Variants in MTCL2 observed in about 807,000 individuals in gnomAD.
MTCL2 encodes the protein microtubule cross-linking factor 2.
At chr20:36,795,651 C>G in the MTCL2 span, among the ~76,000 whole-genome samples, 1 of 152,266 alleles carries the variant, frequency 6.6e-6, no homozygotes, top group Non-Finnish European at 1.5e-5. Flanking sequence ...TGGCGTTAGC[C>G]TGTAACCCCA....
At chr20:36,815,688 C>A in the MTCL2 span, 1 of 1,604,932 alleles carries the variant, frequency 6.2e-7, no homozygotes, top group Non-Finnish European at 8.5e-7. The surrounding 1 kb of genome is among the most constrained non-coding windows in gnomAD (Gnocchi z 5.3). Context: ...CTTGACCTTG[C>A]CGCTGAGCTC....
At chr20:36,807,757 C>T in the MTCL2 span, among the ~76,000 whole-genome samples, 20 of 151,386 alleles carry the variant, frequency 1.3e-4, no homozygotes, top group Admixed American at 2.0e-4. Context: ...TTTGGCCAGG[C>T]ATGGTGGCTC....
chr20:36,791,137 C>A, the MTCL2 span, among the ~76,000 whole-genome samples: 2 of 151,952 alleles, frequency 1.3e-5, no homozygotes, highest in African/African-American at 4.8e-5. Flanking sequence ...TGGGTTCACG[C>A]GATTCTCCTG....
At chr20:36,800,389 T>C in the MTCL2 span, among the ~76,000 whole-genome samples, 1 of 152,346 alleles carries the variant, frequency 6.6e-6, no homozygotes, top group Non-Finnish European at 1.5e-5. Flanking sequence ...TTCCACATGG[T>C]ACCTGGATGG....
the MTCL2 span, among the ~76,000 whole-genome samples, chr20:36,788,154 T>A: frequency 7.2e-6 from 1 of 138,524 alleles, no homozygotes; most frequent in East Asian, 2.1e-4. Context: ...TGAGCCGAGA[T>A]CACATCACTG....
At chr20:36,796,641 A>G in the MTCL2 span, among the ~76,000 whole-genome samples, 1 of 152,244 alleles carries the variant, frequency 6.6e-6, no homozygotes, top group Non-Finnish European at 1.5e-5. Context: ...AACATGCAGC[A>G]GCCTGGAATT....
At chr20:36,787,442 C>T in the MTCL2 span, among the ~76,000 whole-genome samples, 2 of 151,936 alleles carry the variant, frequency 1.3e-5, no homozygotes, top group Non-Finnish European at 2.9e-5. Context: ...TGGTCAGGCT[C>T]AAACTCCTGA....
At chr20:36,854,590 A>C in the MTCL2 span, among the ~76,000 whole-genome samples, 583 of 152,188 alleles carry the variant, frequency 3.8e-3, 1 homozygote, top group Middle Eastern at 6.8e-3. Flanking sequence ...GGGAGGCAGG[A>C]CCACACAGGC....
chr20:36,786,671 A>G, the MTCL2 span: 3 of 1,531,856 alleles, frequency 2.0e-6, no homozygotes, highest in African/African-American at 1.4e-5. Flanking sequence ...CAGGAAGTCA[A>G]GAGGAGCCAG....
the MTCL2 span, among the ~76,000 whole-genome samples, chr20:36,856,839 CGTGT>C: frequency 4.7e-3 from 707 of 150,568 alleles, 7 homozygotes; most frequent in African/African-American, 0.016. Flanking sequence ...AATGTCACAG[CGTGT>C]GTGTGTGTGT....
At chr20:36,779,318 A>T in the MTCL2 span, 1 of 152,498 alleles carries the variant, frequency 6.6e-6, no homozygotes, top group Non-Finnish European at 1.5e-5. Flanking sequence ...TACTGAATGG[A>T]CAAAGAGATG....
the MTCL2 span, among the ~76,000 whole-genome samples, chr20:36,821,493 A>C: frequency 6.6e-6 from 1 of 152,224 alleles, no homozygotes; most frequent in South Asian, 2.1e-4. Flanking sequence ...ACACCACTGC[A>C]CTGTAGCCTG....
the MTCL2 span, among the ~76,000 whole-genome samples, chr20:36,805,350 C>T: frequency 6.6e-6 from 1 of 152,278 alleles, no homozygotes; most frequent in South Asian, 2.1e-4. Flanking sequence ...CCCATCCCTA[C>T]CCCAGCTCAC....
At chr20:36,840,590 C>T in the MTCL2 span, among the ~76,000 whole-genome samples, 1 of 151,762 alleles carries the variant, frequency 6.6e-6, no homozygotes, top group African/African-American at 2.4e-5. Context: ...TGGCTCATGC[C>T]TGTAATCCCA....
At chr20:36,859,771 C>T in the MTCL2 span, 1 of 1,231,758 alleles carries the variant, frequency 8.1e-7, no homozygotes, top group Non-Finnish European at 1.0e-6. Context: ...CCTCCTTCAA[C>T]TCTGCTCCTG....
chr20:36,785,555 G>A, the MTCL2 span: 22 of 985,350 alleles, frequency 2.2e-5, no homozygotes, highest in East Asian at 3.4e-4. Context: ...TTTGCCCCCC[G>A]ACCAGCTGCA....
At chr20:36,806,780 A>C in the MTCL2 span, among the ~76,000 whole-genome samples, 1 of 152,160 alleles carries the variant, frequency 6.6e-6, no homozygotes, top group Admixed American at 6.5e-5. Context: ...TTAACCTCCC[A>C]AAGTGCTGAG....
At chr20:36,825,386 T>C in the MTCL2 span, among the ~76,000 whole-genome samples, 1 of 152,226 alleles carries the variant, frequency 6.6e-6, no homozygotes, top group South Asian at 2.1e-4. Context: ...AACAATGTGC[T>C]GGTGTGGTCA....
At chr20:36,812,207 C>T in the MTCL2 span, among the ~76,000 whole-genome samples, 1 of 152,204 alleles carries the variant, frequency 6.6e-6, no homozygotes, top group African/African-American at 2.4e-5. Context: ...CATCCTCACC[C>T]AATGTGGACC....
Sources: gnomAD v4.1 joint callset for allele counts (sites outside exome capture counted in the v4.1 genomes callset) on GRCh38, gnomAD v4.1.1 for gene constraint, Gnocchi (gnomAD v3.1) non-coding constraint, MANE v1.5 for transcripts, NCBI Gene and HGNC (gene_info 2026-07-23, HGNC 2026-07-21) for gene names.